SLC26A5: variants seen among roughly 807,000 people sequenced by gnomAD.
The protein encoded by SLC26A5 is solute carrier family 26 member 5, also known as prestin.
A neutral mutation model predicts 81.0 loss-of-function variants in SLC26A5; 51 were observed. The ratio of observed to expected loss-of-function variants is 0.63; its 90% CI spans 0.50 to 0.80. SLC26A5 has a LOEUF of 0.80. Ranked by LOEUF, SLC26A5 falls within the 30% of genes least tolerant of loss-of-function variation. The probability of loss-of-function intolerance (pLI) is 0.00; values close to 1 mark genes in which losing one functional copy is unlikely to be tolerated. For missense variants in SLC26A5, 771 were observed against 905.8 expected, an observed-to-expected ratio of 0.85 and a Z score of 1.91; for synonymous variants, 325 against 332.8, an observed-to-expected ratio of 0.98 and a Z score of 0.25.
In SLC26A5 at chr7:103,360,775, A is replaced by AT. The variant is rs1820340051; in HGVS notation, c.2042-7850dup. On this transcript the variant is annotated intron_variant, in intron 19 of 19. Coordinates refer to the SLC26A5 transcript ENST00000339444. ...GTGATGTGCATGGCATTATAAATTC[A>AT]TTTTTACCAGGCCATATGGAAATGA... Among the ~76,000 whole-genome samples, 5 of 152,190 alleles carry AT rather than the reference A, an allele frequency of 3.3e-5. No individual in the cohort carries two copies. In the South Asian group the frequency reaches 1.0e-3, roughly 31 times the overall value.
At chr7:103,422,109 T>C (rs1481582896) in intron 2 of SLC26A5, among the ~76,000 whole-genome samples, 1 of 152,236 alleles carries the variant, frequency 6.6e-6, no homozygotes, top group Non-Finnish European at 1.5e-5. Context: ...CAGCACACTA[T>C]TCTAATATTG....
Position 103,397,992 on chromosome 7 carries a change from G to A in SLC26A5, c.911C>T (p.Ser304Leu). The change falls in exon 9 of 20, where the codon TCA becomes TTA. Residue 304 changes from serine (S) to leucine (L), a missense_variant. By Grantham distance (145) the Ser-to-Leu change is moderately radical. Coordinates refer to ENST00000306312, the MANE Select transcript of SLC26A5 (RefSeq NM_198999.3). ...TGATTCTTTCAAGTTAAACCCAGCT[G>A]AAATGCCAGTTCCCATTACGACCTA... The part of the protein sequence containing the change: ...FFAVVMGTGI[S>L]AGFNLKESYN... 6.2e-7 allele frequency: 1 copy of A among 1,614,004 alleles called. No homozygotes were observed. The highest frequency in any genetic ancestry group is 8.5e-7 in the Non-Finnish European group (1 of 1,179,966).
chr7:103,358,028 C>T (rs1229228618), intron 19 of SLC26A5, among the ~76,000 whole-genome samples: 1 of 152,156 alleles, frequency 6.6e-6, no homozygotes, highest in African/African-American at 2.4e-5. Flanking sequence ...TGGAGATTGC[C>T]CTTTACCTCT....
At chr7:103,417,065 C>T (rs1308565310) in intron 4 of SLC26A5, among the ~76,000 whole-genome samples, 2 of 151,896 alleles carry the variant, frequency 1.3e-5, no homozygotes, top group African/African-American at 2.4e-5. Context: ...TGAATTATTC[C>T]CTGATTTGAA....
rs1290472536 is a variant in SLC26A5 at position 103,374,383 on chromosome 7, AG to A, written c.*15del. ...CATGAGAGGCTTATAACCCCATCCT[AG>A]GGTGAGGTCCTCATCTATGCCTCAG... On this transcript the variant is annotated 3_prime_UTR_variant, in exon 20 of 20. Coordinates refer to ENST00000306312, the MANE Select transcript of SLC26A5 (RefSeq NM_198999.3). 9.3e-6 allele frequency: 15 copies of A among 1,611,944 alleles called. No homozygotes were observed. In the Admixed American group the frequency reaches 2.5e-4, roughly 27 times the overall value.
At chr7:103,393,393 G>A (rs1034261836) in intron 9 of SLC26A5, among the ~76,000 whole-genome samples, 3 of 152,154 alleles carry the variant, frequency 2.0e-5, no homozygotes, top group South Asian at 2.1e-4. Context: ...AGGAAGAAGC[G>A]AGGGTCAGCA....
chr7:103,398,087 T>C (rs966950532), intron 8 of SLC26A5, 73 bp from the exon 9 acceptor site: 17 of 1,140,202 alleles, frequency 1.5e-5, no homozygotes, highest in East Asian at 2.3e-5. Context: ...CTTCAAATAA[T>C]ATGTTAGTCA....
chr7:103,353,128 A>C (rs1819819884), intron 19 of SLC26A5, among the ~76,000 whole-genome samples: 1 of 152,112 alleles, frequency 6.6e-6, no homozygotes, highest in Admixed American at 6.5e-5. Context: ...CCAGATAACC[A>C]CCGTAGAACA....
downstream of SLC26A5, among the ~76,000 whole-genome samples, chr7:103,371,821 G>A (rs1364563540): frequency 4.7e-5 from 7 of 150,404 alleles, no homozygotes; most frequent in African/African-American, 1.2e-4. Flanking sequence ...TCAGCCTCCC[G>A]AGTAGCTGGG....
At position 103,402,107 on chromosome 7, in the gene SLC26A5, A is replaced by G. The variant is rs925295402; in HGVS notation, c.889-4093T>C. ...GTTAGGGAGGATTCCCTCTTTTTCT[A>G]TTGTTTGGAATAGTTTCAGAAGGAA... On this transcript the variant is annotated intron_variant, in intron 8 of 19. Transcript: ENST00000306312. 4.6e-5 allele frequency among the ~76,000 whole-genome samples: 7 copies of G among 151,820 alleles called. 1 individual carries two copies. Among genetic ancestry groups the G allele is most frequent in the Non-Finnish European group, 7.4e-5 (5 of 67,970 alleles).
chr7:103,428,042 G>A (rs1438666386), intron 2 of SLC26A5, among the ~76,000 whole-genome samples: 1 of 151,840 alleles, frequency 6.6e-6, no homozygotes, highest in Non-Finnish European at 1.5e-5. Flanking sequence ...TAGTAGAGAT[G>A]GGGTTTCACC....
chr7:103,377,491 G>A, intron 18 of SLC26A5, 108 bp downstream of exon 18: 1 of 1,037,442 alleles, frequency 9.6e-7, no homozygotes. Context: ...TAATCAAAAG[G>A]GGATAAATCT....
At chr7:103,378,113 T>C (rs891901803) in intron 17 of SLC26A5, among the ~76,000 whole-genome samples, 2 of 152,214 alleles carry the variant, frequency 1.3e-5, no homozygotes, top group Non-Finnish European at 2.9e-5. Context: ...TTTAGTATGA[T>C]GGGTCACACA....
chr7:103,378,591 G>T, intron 16 of SLC26A5, 38 bp from the exon 17 acceptor site: 3 of 1,580,032 alleles, frequency 1.9e-6, no homozygotes, highest in Non-Finnish European at 2.6e-6. Context: ...TCACTTCATG[G>T]CTCTCAGGGA....
intron 10 of SLC26A5, among the ~76,000 whole-genome samples, chr7:103,392,087 C>T (rs763419804): frequency 3.9e-5 from 6 of 152,194 alleles, no homozygotes; most frequent in Non-Finnish European, 8.8e-5. Flanking sequence ...GGACTCTTGG[C>T]ATCTTTTTAA....
intron 7 of SLC26A5, among the ~76,000 whole-genome samples, chr7:103,410,122 G>A (rs868576205): frequency 5.3e-5 from 8 of 152,310 alleles, no homozygotes; most frequent in Admixed American, 2.6e-4. Flanking sequence ...TACCTAGAGT[G>A]ATGGTGCAGT....
At chr7:103,371,385 C>A (rs1264675837), downstream of SLC26A5, among the ~76,000 whole-genome samples, 1 of 149,074 alleles carries the variant, frequency 6.7e-6, no homozygotes, top group Non-Finnish European at 1.5e-5. Flanking sequence ...AGTGCAGTGG[C>A]GCGATCTCGG....
downstream of SLC26A5, among the ~76,000 whole-genome samples, chr7:103,372,317 T>G (rs533102884): frequency 1.3e-5 from 2 of 152,344 alleles, no homozygotes; most frequent in South Asian, 2.1e-4. Context: ...TGGTTGCAAG[T>G]AGGCCATGCT....
chr7:103,409,453 A>G (rs887718278), intron 7 of SLC26A5, among the ~76,000 whole-genome samples: 13 of 152,206 alleles, frequency 8.5e-5, no homozygotes, highest in African/African-American at 3.1e-4. Context: ...TTCTAAATAT[A>G]TGGGAGTTTT....
Sources: allele counts gnomAD v4.1 joint callset (sites outside exome capture counted in the v4.1 genomes callset), GRCh38; gene constraint gnomAD v4.1.1; transcripts MANE v1.5; gene names NCBI Gene and HGNC (gene_info 2026-07-23, HGNC 2026-07-21).